Variants in ROR2 observed in about 807,000 individuals in gnomAD.
ROR2 encodes the protein tyrosine-protein kinase transmembrane receptor ROR2.
In ROR2, 33 loss-of-function variants were observed where a neutral mutation model predicts 74.9. That is an observed-to-expected ratio of 0.44 (90% CI 0.33 to 0.59). The LOEUF (loss-of-function observed/expected upper bound fraction) is 0.59. Among genes scored for constraint, ROR2 ranks in the 20% least tolerant of loss-of-function variants. The probability of loss-of-function intolerance (pLI) is 0.02; values close to 1 mark genes in which losing one functional copy is unlikely to be tolerated. For missense variants in ROR2, 1,216 were observed against 1,313.8 expected (o/e 0.93, Z 1.15); for synonymous variants, 586 against 558.7 (o/e 1.05, Z -0.69).
chr9:91,848,761 GAA>G (rs1563997483), intron 1 of ROR2, among the ~76,000 whole-genome samples: 24 of 96,632 alleles, frequency 2.5e-4, no homozygotes, highest in African/African-American at 1.0e-3. Flanking sequence ...TCTCAGGGGG[GAA>G]GAAAAAAAAA....
chr9:91,779,034 T>C (rs759511656), intron 1 of ROR2, among the ~76,000 whole-genome samples: 1 of 152,164 alleles, frequency 6.6e-6, no homozygotes, highest in South Asian at 2.1e-4. Context: ...CTAAATATAA[T>C]GTGGTATCCT....
chr9:91,785,411 C>G (rs552848062), intron 1 of ROR2, among the ~76,000 whole-genome samples: 1 of 152,372 alleles, frequency 6.6e-6, no homozygotes, highest in South Asian at 2.1e-4. Flanking sequence ...TTCCAGAGCA[C>G]TGTGTGTGCA....
intron 1 of ROR2, among the ~76,000 whole-genome samples, chr9:91,782,964 G>A (rs998503456): frequency 6.6e-6 from 1 of 152,220 alleles, no homozygotes; most frequent in African/African-American, 2.4e-5. Flanking sequence ...CTAAACAATG[G>A]AAACGCCTTG....
chr9:91,923,259 G>C (rs772766568), intron 1 of ROR2, among the ~76,000 whole-genome samples: 1 of 152,246 alleles, frequency 6.6e-6, no homozygotes, highest in Non-Finnish European at 1.5e-5. Context: ...TGAAGAGGGA[G>C]AGTGTCTCTA....
chr9:91,802,038 T>A (rs1827398047), intron 1 of ROR2, among the ~76,000 whole-genome samples: 1 of 150,272 alleles, frequency 6.7e-6, no homozygotes, highest in Non-Finnish European at 1.5e-5. Flanking sequence ...AAGCCCATCA[T>A]AAACAAACCT....
chr9:91,753,213 A>G (rs1436988585), intron 4 of ROR2, among the ~76,000 whole-genome samples: 2 of 152,232 alleles, frequency 1.3e-5, no homozygotes, highest in Non-Finnish European at 2.9e-5. Context: ...TTTAATTTCT[A>G]TATGATCAAG....
In ROR2 at chr9:91,724,583, G is replaced by C; in HGVS notation, c.1911C>G (p.Phe637Leu). The C allele has an allele frequency of 6.2e-7, 1 of 1,614,064 alleles. No individual in the cohort carries two copies. The highest frequency in any genetic ancestry group is 1.1e-5 in the South Asian group (1 of 91,070). ...AGTAATCGGCGGCATACACCTCTCG[G>C]AAGAGGCCCAAGTCTGAGATCTTCA... ...LNVKISDLGL[F>L]REVYAADYYK... Residue 637 changes from phenylalanine (F) to leucine (L), a missense_variant, in exon 9 of 9, where the codon TTC becomes TTG. Phe to Leu is a conservative substitution (Grantham distance 22). Transcript: ENST00000375708.
At chr9:91,949,719 C>A (rs981930463) in intron 1 of ROR2, 148 bp downstream of exon 1, 4 of 660,698 alleles carry the variant, frequency 6.1e-6, no homozygotes, top group Admixed American at 2.1e-5. Context: ...GGAGCGGCGT[C>A]GGGCGAGATG....
At chr9:91,763,590 G>A (rs918058058) in intron 2 of ROR2, among the ~76,000 whole-genome samples, 2 of 152,276 alleles carry the variant, frequency 1.3e-5, no homozygotes, top group African/African-American at 4.8e-5. Flanking sequence ...AATATTTCTC[G>A]TCATTGGGGC....
chr9:91,825,312 G>A (rs1318031698), intron 1 of ROR2, among the ~76,000 whole-genome samples: 1 of 152,142 alleles, frequency 6.6e-6, no homozygotes, highest in Non-Finnish European at 1.5e-5. Flanking sequence ...GGAAGTGCGG[G>A]GCATGTGATG....
intron 4 of ROR2, among the ~76,000 whole-genome samples, chr9:91,755,155 TG>T (rs11365403): frequency 0.014 from 2,055 of 148,756 alleles, 46 homozygotes; most frequent in African/African-American, 0.047. Context: ...CCTGTCTATT[TG>T]GGGGGGGAAA....
At chr9:91,895,953 G>A (rs1398652706) in intron 1 of ROR2, among the ~76,000 whole-genome samples, 2 of 152,138 alleles carry the variant, frequency 1.3e-5, no homozygotes, top group Admixed American at 6.5e-5. Context: ...CATGTCACCC[G>A]CGTGCCAGTA....
At chr9:91,812,297 C>T (rs1330839570) in intron 1 of ROR2, among the ~76,000 whole-genome samples, 1 of 152,014 alleles carries the variant, frequency 6.6e-6, no homozygotes, top group Admixed American at 6.6e-5. Context: ...CAGAAGAAAA[C>T]GGGCGGATTT....
At chr9:91,766,919 TGGTA>T (rs1220061289) in intron 2 of ROR2, among the ~76,000 whole-genome samples, 2 of 152,228 alleles carry the variant, frequency 1.3e-5, no homozygotes, top group Non-Finnish European at 1.5e-5. Flanking sequence ...TAGCAACTGA[TGGTA>T]CAGGCTCATC....
chr9:91,946,217 A>C (rs1381545783), intron 1 of ROR2, among the ~76,000 whole-genome samples: 1 of 152,238 alleles, frequency 6.6e-6, no homozygotes, highest in East Asian at 1.9e-4. Context: ...ACTGCAAAAC[A>C]AAGCCCCCTG....
chr9:91,904,913 G>A (rs1301241612), intron 1 of ROR2, among the ~76,000 whole-genome samples: 5 of 151,870 alleles, frequency 3.3e-5, no homozygotes, highest in South Asian at 2.1e-4. Flanking sequence ...ACACGTGTGC[G>A]CACACACACC....
chr9:91,725,129 C>T lies in ROR2; in HGVS notation c.1387-22G>A, dbSNP rs191048592. 8.7e-5 allele frequency: 141 copies of T among 1,612,386 alleles called. No homozygotes were observed. In the African/African-American group the frequency reaches 1.4e-3, roughly 16 times the overall value. On this transcript the variant is annotated intron_variant, in intron 8 of 8. Transcript: ENST00000375708. ...TGGCCTGTCAAGAAGAAAAGCCCCA[C>T]GTGAAACATCACTGTCACCGCAGCC...
At chr9:91,741,949 C>T (rs768215352) in intron 4 of ROR2, among the ~76,000 whole-genome samples, 7 of 152,120 alleles carry the variant, frequency 4.6e-5, no homozygotes, top group African/African-American at 1.2e-4. Context: ...AAATATAACC[C>T]GTGGTCAAGA....
intron 1 of ROR2, among the ~76,000 whole-genome samples, chr9:91,928,459 C>T (rs1475398107): frequency 6.6e-6 from 1 of 152,204 alleles, no homozygotes; most frequent in Non-Finnish European, 1.5e-5. Context: ...CCCTGGTGGC[C>T]ACATAAAGAA....
Sources: gnomAD v4.1 joint callset for allele counts (sites outside exome capture counted in the v4.1 genomes callset) on GRCh38, gnomAD v4.1.1 for gene constraint, MANE v1.5 for transcripts, NCBI Gene and HGNC (gene_info 2026-07-23, HGNC 2026-07-21) for gene names.